The following RBFOX1 variants were observed in gnomAD, a reference collection of about 807,000 sequenced individuals.
RBFOX1 encodes the protein RNA binding protein fox-1 homolog 1.
A neutral mutation model predicts 57.7 loss-of-function variants in RBFOX1; 8 were observed. That is an observed-to-expected ratio of 0.14 (90% CI 0.08 to 0.25). The LOEUF (loss-of-function observed/expected upper bound fraction) is 0.25. RBFOX1 is among the 10% of genes least tolerant of loss of function. The pLI, the probability that RBFOX1 is intolerant of heterozygous loss-of-function variation, is 1.00. For synonymous variants in RBFOX1, 326 were observed against 222.4 expected (o/e 1.47, Z -4.15); for missense variants, 611 against 548.5 (o/e 1.11, Z -1.14).
chr16:6,358,594 A>G (rs1033160509), intron 2 of RBFOX1, among the ~76,000 whole-genome samples: 1 of 152,230 alleles, frequency 6.6e-6, no homozygotes, highest in Non-Finnish European at 1.5e-5. Flanking sequence ...GATTCTTTAC[A>G]GAGTGCTTAA....
At chr16:5,418,542 G>C (rs896412342) in intron 1 of RBFOX1, among the ~76,000 whole-genome samples, 4 of 152,156 alleles carry the variant, frequency 2.6e-5, no homozygotes, top group African/African-American at 9.7e-5. Flanking sequence ...GAGAGAGGCT[G>C]TTGTTAGAGG....
chr16:7,103,531 G>C (rs1384904430), intron 4 of RBFOX1, among the ~76,000 whole-genome samples: 2 of 152,110 alleles, frequency 1.3e-5, no homozygotes, highest in African/African-American at 4.8e-5. Flanking sequence ...GATGATCAGT[G>C]ACAAAAGCTG....
chr16:6,232,038 T>C (rs781631595), intron 1 of RBFOX1, among the ~76,000 whole-genome samples: 1 of 152,214 alleles, frequency 6.6e-6, no homozygotes, highest in African/African-American at 2.4e-5. Flanking sequence ...CAAAGACCAA[T>C]ATTTCCTGAA....
chr16:6,949,124 A>T (rs1265342701), intron 3 of RBFOX1, among the ~76,000 whole-genome samples: 1 of 152,200 alleles, frequency 6.6e-6, no homozygotes, highest in Non-Finnish European at 1.5e-5. Flanking sequence ...TTTTTTTAAA[A>T]CATGGATAGG....
chr16:6,328,773 A>C (rs906826969), intron 2 of RBFOX1, among the ~76,000 whole-genome samples: 1 of 152,140 alleles, frequency 6.6e-6, no homozygotes, highest in African/African-American at 2.4e-5. Context: ...TTAGGGATAA[A>C]CCTTTTACTA....
chr16:6,647,975 G>A (rs1187055324), intron 2 of RBFOX1, among the ~76,000 whole-genome samples: 1 of 152,086 alleles, frequency 6.6e-6, no homozygotes, highest in African/African-American at 2.4e-5. Flanking sequence ...TCTAGTAGCT[G>A]GAATTACACG....
intron 3 of RBFOX1, among the ~76,000 whole-genome samples, chr16:6,719,443 C>A (rs971349687): frequency 6.5e-5 from 9 of 137,928 alleles, no homozygotes; most frequent in African/African-American, 2.9e-4. Flanking sequence ...TCAAAATAAC[C>A]TGTTTTTTTT....
intron 4 of RBFOX1, among the ~76,000 whole-genome samples, chr16:7,449,613 A>C (rs2098835367): frequency 6.6e-6 from 1 of 151,528 alleles, no homozygotes; most frequent in African/African-American, 2.4e-5. Flanking sequence ...ACTCAATTCA[A>C]GCCTGCACAT....
At chr16:7,218,341 C>T (rs113087733) in intron 4 of RBFOX1, among the ~76,000 whole-genome samples, 716 of 152,190 alleles carry the variant, frequency 4.7e-3, no homozygotes, top group Non-Finnish European at 8.4e-3. Flanking sequence ...ATATTGTTTT[C>T]TGGTTTTCAC....
intron 3 of RBFOX1, among the ~76,000 whole-genome samples, chr16:5,832,890 G>T (rs2056327964): frequency 6.6e-6 from 1 of 151,614 alleles, no homozygotes; most frequent in African/African-American, 2.4e-5. Flanking sequence ...AAGGTTAAAG[G>T]GTCCTCAGAG....
intron 3 of RBFOX1, among the ~76,000 whole-genome samples, chr16:6,878,495 T>G (rs758949491): frequency 1.3e-5 from 2 of 152,200 alleles, no homozygotes; most frequent in Non-Finnish European, 2.9e-5. Flanking sequence ...ACATGTGATA[T>G]GAGCAAGAAA....
intron 4 of RBFOX1, among the ~76,000 whole-genome samples, chr16:5,904,284 C>A (rs1237865248): frequency 6.6e-6 from 1 of 152,046 alleles, no homozygotes; most frequent in Non-Finnish European, 1.5e-5. Flanking sequence ...AATCTGCATG[C>A]CACTTTACCT....
intron 3 of RBFOX1, among the ~76,000 whole-genome samples, chr16:6,681,671 G>GGA (rs1491363461): frequency 2.1e-5 from 3 of 145,462 alleles, no homozygotes; most frequent in Non-Finnish European, 4.5e-5. Flanking sequence ...CATTTAACCA[G>GGA]AAAAAAAAAA....
chr16:6,874,176 T>G (rs1205543676), intron 3 of RBFOX1, among the ~76,000 whole-genome samples: 1 of 63,296 alleles, frequency 1.6e-5, no homozygotes, highest in East Asian at 1.0e-3. Flanking sequence ...AACTATGGTG[T>G]GTGCATACAC....
intron 1 of RBFOX1, among the ~76,000 whole-genome samples, chr16:5,321,575 G>A (rs964659115): frequency 1.3e-5 from 2 of 152,080 alleles, no homozygotes; most frequent in South Asian, 2.1e-4. Context: ...CCATGTTGGC[G>A]CAAAGTGCTG....
rs117663176 is a variant in RBFOX1 at position 5,609,796 on chromosome 16, T to C, written c.318+10835T>C. Among the ~76,000 whole-genome samples the C allele has an allele frequency of 3.5e-3, 523 of 151,294 alleles. 3 individuals are homozygous for C. The highest frequency in any genetic ancestry group is 4.7e-3 in the Non-Finnish European group (322 of 67,912). On this transcript the variant is annotated intron_variant, in intron 3 of 19. Coordinates refer to the RBFOX1 transcript ENST00000641259. Reference sequence around the variant, plus strand: ...CTCATAATATTTTTTATCGGCCACCTACTTTGTGCAGAGCACTGTTCTAGG... The same window carrying C: ...CTCATAATATTTTTTATCGGCCACCCACTTTGTGCAGAGCACTGTTCTAGG...
chr16:7,116,013 G>T (rs1352017373), intron 4 of RBFOX1, among the ~76,000 whole-genome samples: 1 of 152,146 alleles, frequency 6.6e-6, no homozygotes, highest in Non-Finnish European at 1.5e-5. Context: ...ATTGTGCCAG[G>T]CACTGTACTA....
chr16:7,706,052 C>T (rs750573841), intron 14 of RBFOX1, among the ~76,000 whole-genome samples: 25 of 152,224 alleles, frequency 1.6e-4, no homozygotes, highest in Admixed American at 2.6e-4. Flanking sequence ...GCTCTGTCTC[C>T]GGGCTGTGCT....
chr16:6,904,328 G>A (rs12051404), intron 3 of RBFOX1, among the ~76,000 whole-genome samples: 1 of 151,704 alleles, frequency 6.6e-6, no homozygotes, highest in Admixed American at 6.6e-5. Flanking sequence ...AGGCCAGGTG[G>A]GCTGGCTCAT....
Sources: allele counts gnomAD v4.1 joint callset (sites outside exome capture counted in the v4.1 genomes callset), GRCh38; gene constraint gnomAD v4.1.1; transcripts MANE v1.5; gene names NCBI Gene and HGNC (gene_info 2026-07-23, HGNC 2026-07-21).